The following ARHGAP30 variants were observed in gnomAD, a reference collection of about 807,000 sequenced individuals.
ARHGAP30 encodes Rho GTPase activating protein 30, also known as rho GTPase-activating protein 30.
A neutral mutation model predicts 72.0 loss-of-function variants in ARHGAP30; 23 were observed. The observed-to-expected ratio is 0.32, with a 90% CI of 0.23 to 0.45. ARHGAP30 has a LOEUF of 0.45. Among genes scored for constraint, ARHGAP30 ranks in the 20% least tolerant of loss-of-function variants. ARHGAP30 has a pLI of 1.00. For missense variants in ARHGAP30, 1,319 were observed against 1,383.4 expected (o/e 0.95, Z 0.74); for synonymous variants, 576 against 528.2 (o/e 1.09, Z -1.24).
intron 5 of ARHGAP30, among the ~76,000 whole-genome samples, chr1:161,053,690 C>A (rs1651613717): frequency 6.6e-6 from 1 of 152,216 alleles, no homozygotes; most frequent in Non-Finnish European, 1.5e-5. Context: ...TACAGGACTT[C>A]TCATAGTCTG....
At chr1:161,050,779 C>A (rs1305393419) in intron 10 of ARHGAP30, among the ~76,000 whole-genome samples, 1 of 151,792 alleles carries the variant, frequency 6.6e-6, no homozygotes, top group Non-Finnish European at 1.5e-5. Flanking sequence ...GAGCTGGGAC[C>A]GCAGGCATCT....
intron 10 of ARHGAP30, among the ~76,000 whole-genome samples, chr1:161,050,167 CT>C (rs1651244434): frequency 6.6e-6 from 1 of 152,132 alleles, no homozygotes; most frequent in Admixed American, 6.5e-5. Context: ...CTACTTCTAC[CT>C]AAATCAATTG....
chr1:161,058,860 C>CAA (rs771979327), intron 2 of ARHGAP30, among the ~76,000 whole-genome samples: 1,543 of 114,626 alleles, frequency 0.013, 39 homozygotes, highest in African/African-American at 0.03. Context: ...GACTCTATCT[C>CAA]AAAAAAAAAA....
At position 161,052,728 on chromosome 1, in the gene ARHGAP30, A is replaced by G. The variant is rs1320090669; in HGVS notation, c.734T>C (p.Met245Thr). 1.6e-5 allele frequency: 25 copies of G among 1,612,446 alleles called. No homozygotes were observed. Among genetic ancestry groups the G allele is most frequent in the Non-Finnish European group, 2.0e-5 (24 of 1,180,008 alleles). ...CAGGTGATAAGGCAGTGGCCTGGGC[A>G]TAAGGTCCTCGGGGCTGCCTGATGC... The part of the protein sequence containing the change: ...TRASGSPEDL[M>T]PRPLPYHLPS... The change falls in exon 7 of 12, where the codon ATG becomes ACG. Residue 245 changes from methionine (M) to threonine (T), a missense_variant. Coordinates refer to ENST00000368013, the MANE Select transcript of ARHGAP30 (RefSeq NM_001025598.2).
chr1:161,068,189 C>A (rs12118313), intron 1 of ARHGAP30, among the ~76,000 whole-genome samples: 119,551 of 152,128 alleles, frequency 0.79, 47,197 homozygotes, highest in African/African-American at 0.85. Flanking sequence ...CTGGGAGGAG[C>A]ACATCATCCC....
chr1:161,063,263 G>A (rs1461144069), intron 1 of ARHGAP30, among the ~76,000 whole-genome samples: 3 of 152,236 alleles, frequency 2.0e-5, no homozygotes, highest in Non-Finnish European at 4.4e-5. Context: ...AATTGTTGTG[G>A]GAAGTCAGGG....
chr1:161,051,212 G>A lies in ARHGAP30; in HGVS notation c.1420+102C>T. On this transcript the variant is annotated intron_variant, in intron 10 of 11. Coordinates refer to ENST00000368013, the MANE Select transcript of ARHGAP30 (RefSeq NM_001025598.2). ...AAGGTAACCACCCCAAAGCCCAAGG[G>A]CTGAGGCCTCTGCCCTTCCTAGGGT... is the stretch of plus-strand genomic sequence containing the variant. 3.4e-6 allele frequency: 5 copies of A among 1,487,804 alleles called. No homozygotes were observed. In the South Asian group the frequency reaches 7.1e-5, roughly 21 times the overall value. The allele number at this position is 1,487,804 out of a possible 1,614,324, so 92.2% of individuals were successfully genotyped here.
At chr1:161,061,596 A>C (rs1652315208) in intron 1 of ARHGAP30, among the ~76,000 whole-genome samples, 1 of 152,190 alleles carries the variant, frequency 6.6e-6, no homozygotes, top group Non-Finnish European at 1.5e-5. Context: ...AAGAAAACTG[A>C]GGGTCAAAGA....
chr1:161,064,778 A>AG (rs1491547816), intron 1 of ARHGAP30, among the ~76,000 whole-genome samples: 1,776 of 86,904 alleles, frequency 0.02, 38 homozygotes, highest in South Asian at 0.12. Flanking sequence ...AGAAAGAAAG[A>AG]AAAAGAAAGA....
chr1:161,061,029 A>G (rs889740307), intron 1 of ARHGAP30, among the ~76,000 whole-genome samples: 1 of 151,748 alleles, frequency 6.6e-6, no homozygotes, highest in African/African-American at 2.4e-5. Context: ...AAGTGCATTT[A>G]CTTAACACTC....
Position 161,047,580 on chromosome 1 carries a change from A to G in ARHGAP30, c.*135T>C, listed in dbSNP as rs996425181. ...CCAAGGCAGTGCCTCCCACAGTCAA[A>G]GAGAGAAGCTGGAGGGCCAAAGCCT... On this transcript the variant is annotated 3_prime_UTR_variant, in exon 12 of 12. Coordinates refer to ENST00000368013, the MANE Select transcript of ARHGAP30 (RefSeq NM_001025598.2). 4.2e-6 allele frequency: 4 copies of G among 943,852 alleles called. No individual in the cohort carries two copies. The African/African-American group carries it at 5.1e-5, about 12-fold the overall frequency. 58.5% of individuals were successfully genotyped at this position (943,852 alleles called of 1,614,324 possible). A position where few individuals can be genotyped will look rare whatever the true frequency, so the allele number is the denominator to read the frequency against.
At chr1:161,064,534 A>G (rs533174219) in intron 1 of ARHGAP30, among the ~76,000 whole-genome samples, 8 of 152,190 alleles carry the variant, frequency 5.3e-5, no homozygotes, top group African/African-American at 1.9e-4. Context: ...CAAGGCAGGT[A>G]GATCACTTGA....
At chr1:161,066,048 A>C (rs574321325) in intron 1 of ARHGAP30, among the ~76,000 whole-genome samples, 1 of 150,944 alleles carries the variant, frequency 6.6e-6, no homozygotes, top group Non-Finnish European at 1.5e-5. Flanking sequence ...TATTTTTAGT[A>C]GAGACGGAAT....
intron 1 of ARHGAP30, among the ~76,000 whole-genome samples, chr1:161,064,309 G>A (rs1571119395): frequency 6.6e-6 from 1 of 152,108 alleles, no homozygotes; most frequent in South Asian, 2.1e-4. Context: ...CATGATTATC[G>A]GGGCAGTTCC....
intron 1 of ARHGAP30, among the ~76,000 whole-genome samples, chr1:161,066,413 G>A (rs960027471): frequency 1.3e-5 from 2 of 150,926 alleles, no homozygotes; most frequent in Admixed American, 6.6e-5. Context: ...TTGGGAGGCC[G>A]AGGCGAGTGG....
rs1343868545 is a variant in ARHGAP30, at chr1:161,053,269, G to A, written c.653C>T (p.Ala218Val). Residue 218 changes from alanine (A) to valine (V), a missense_variant, in exon 6 of 12, where the codon GCT becomes GTT. Physicochemically the swap from Ala to Val is moderately conservative, Grantham distance 64. Transcript: ENST00000368013. ...GGAAGGACACTGACCAGAGAGGGCA[G>A]CACCCCCAAAGAGCTGGTCCACGTG... ...LTHVDQLFGGAALSGGEVESG... is the reference protein window; with the variant it reads ...LTHVDQLFGGVALSGGEVESG... The A allele has an allele frequency of 6.2e-7, 1 of 1,613,936 alleles. No individual in the cohort carries two copies. Among genetic ancestry groups the A allele is most frequent in the East Asian group, 2.2e-5 (1 of 44,870 alleles).
rs1557916534 is a variant in ARHGAP30, at chr1:161,049,249, AG to A, written c.1771del (p.Leu591TrpfsTer20). 1 of 1,614,102 alleles carries A rather than the reference AG, an allele frequency of 6.2e-7. No homozygotes were observed. Among genetic ancestry groups the A allele is most frequent in the Non-Finnish European group, 8.5e-7 (1 of 1,180,004 alleles). ...TTCAGGCCTGGGGCCAGCGGAGTCC[AG>A]GGAACAGCAGCTGGGGGCCAAGACA... ...QFVLAPSCCS[L>X]DSAGPRPEVE... On this transcript the variant is annotated frameshift_variant, in exon 12 of 12. Coordinates refer to ENST00000368013, the MANE Select transcript of ARHGAP30 (RefSeq NM_001025598.2). LOFTEE classifies it low-confidence loss of function (END_TRUNC).
intron 1 of ARHGAP30, among the ~76,000 whole-genome samples, chr1:161,060,474 G>A (rs138870006): frequency 6.6e-6 from 1 of 151,728 alleles, no homozygotes; most frequent in African/African-American, 2.4e-5. Flanking sequence ...GCACATGCCT[G>A]TAATCCCAGC....
rs149935106 is a variant in ARHGAP30 at position 161,063,728 on chromosome 1, A to G, written c.98-4012T>C. Among the ~76,000 whole-genome samples, 676 of 152,364 alleles carry G rather than the reference A, an allele frequency of 4.4e-3. 8 individuals carry two copies. Among genetic ancestry groups the G allele is most frequent in the South Asian group, 6.4e-3 (31 of 4,830 alleles). On this transcript the variant is annotated intron_variant, in intron 1 of 11. Coordinates refer to ENST00000368013, the MANE Select transcript of ARHGAP30 (RefSeq NM_001025598.2). ...TCTTTCAAAAGCAAATGGGAGAAAT[A>G]TCGCTGAATTCTTTTTCTCAGCATG...
Sources: gnomAD v4.1 joint callset for allele counts (sites outside exome capture counted in the v4.1 genomes callset) on GRCh38, gnomAD v4.1.1 for gene constraint, MANE v1.5 for transcripts, NCBI Gene and HGNC (gene_info 2026-07-23, HGNC 2026-07-21) for gene names.